Variants in SERPINB7 observed in about 807,000 individuals in gnomAD.
The protein encoded by SERPINB7 is serpin family B member 7.
SERPINB7 carries 31 observed loss-of-function variants against 37.4 expected under a neutral mutation model. That is an observed-to-expected ratio of 0.83 (90% CI 0.62 to 1.12). The LOEUF (loss-of-function observed/expected upper bound fraction) is 1.12. SERPINB7 is among the 50% of genes most tolerant of loss of function. SERPINB7 has a pLI of 0.00. For missense variants in SERPINB7, 521 were observed against 455.3 expected (o/e 1.14, Z -1.31); for synonymous variants, 163 against 166.1 (o/e 0.98, Z 0.14).
At chr18:63,783,028 C>A (rs1025059508) in intron 2 of SERPINB7, among the ~76,000 whole-genome samples, 22 of 151,664 alleles carry the variant, frequency 1.5e-4, no homozygotes, top group Non-Finnish European at 3.1e-4. Flanking sequence ...GTCCCAGCTA[C>A]TCGGGAGGCT....
chr18:63,798,823 G>A, intron 6 of SERPINB7, 77 bp downstream of exon 6: 1 of 1,440,600 alleles, frequency 6.9e-7, no homozygotes, highest in South Asian at 1.2e-5. Context: ...TAGTTACATA[G>A]TAAACTCTAG....
chr18:63,769,807 A>G (rs924312765), intron 1 of SERPINB7, among the ~76,000 whole-genome samples: 1 of 151,892 alleles, frequency 6.6e-6, no homozygotes, highest in Admixed American at 6.6e-5. Context: ...TGAACTCAGG[A>G]CTTCATATAC....
intron 4 of SERPINB7, among the ~76,000 whole-genome samples, chr18:63,795,331 C>T (rs893831675): frequency 3.0e-4 from 46 of 152,108 alleles, no homozygotes; most frequent in Middle Eastern, 3.4e-3. Context: ...GAGGCTGAGG[C>T]GGGAGGATCA....
chr18:63,764,057 T>A (rs2049168008), intron 1 of SERPINB7, among the ~76,000 whole-genome samples: 1 of 152,220 alleles, frequency 6.6e-6, no homozygotes, highest in South Asian at 2.1e-4. Flanking sequence ...TTCTATGGTA[T>A]GAGCTAAATT....
intron 1 of SERPINB7, among the ~76,000 whole-genome samples, chr18:63,754,616 C>A (rs1392231224): frequency 6.6e-6 from 1 of 152,166 alleles, no homozygotes; most frequent in Non-Finnish European, 1.5e-5. Context: ...ACGCAGGTAT[C>A]AGTCCCTCCC....
upstream of SERPINB7, among the ~76,000 whole-genome samples, chr18:63,773,252 T>C (rs1294943360): frequency 6.6e-6 from 1 of 152,122 alleles, no homozygotes; most frequent in Non-Finnish European, 1.5e-5. Context: ...ACAGAGTTTA[T>C]ATAAAAATTT....
intron 1 of SERPINB7, among the ~76,000 whole-genome samples, chr18:63,758,618 AAG>A (rs1193873585): frequency 6.6e-6 from 1 of 152,180 alleles, no homozygotes; most frequent in Non-Finnish European, 1.5e-5. Context: ...TTTTTATAAT[AAG>A]AAAAGAATTC....
chr18:63,782,241 C>T (rs1198106576), intron 1 of SERPINB7, 114 bp from the exon 2 acceptor site: 2 of 658,622 alleles, frequency 3.0e-6, no homozygotes, highest in African/African-American at 1.9e-5. Flanking sequence ...TGATGATTAC[C>T]TCCAAGGCTG....
At position 63,793,293 on chromosome 18, in the gene SERPINB7, T is replaced by A; in HGVS notation, c.336+16T>A. ...CTTTCATAAGGTAAGTGAAACTGCC[T>A]TTGTTAGAAGGACCTGAATCTTGTT... On this transcript the variant is annotated intron_variant, in intron 4 of 7. Coordinates refer to ENST00000398019, the MANE Select transcript of SERPINB7 (RefSeq NM_003784.4). The A allele has an allele frequency of 2.2e-6, 3 of 1,353,272 alleles. No individual in the cohort carries two copies. In the South Asian group the frequency reaches 3.7e-5, roughly 17 times the overall value. The allele number at this position is 1,353,272 out of a possible 1,614,324, so 83.8% of individuals were successfully genotyped here.
chr18:63,755,745 A>G lies in SERPINB7; in HGVS notation c.-19+2625A>G, dbSNP rs75338245. Among the ~76,000 whole-genome samples the G allele has an allele frequency of 2.7e-3, 415 of 152,090 alleles. 3 individuals carry two copies. The highest frequency in any genetic ancestry group is 9.1e-3 in the African/African-American group (379 of 41,478). Reference sequence around the variant, plus strand: ...CTGTCTCTACAAAAAATTAAAAAAAATAGCTAGATATGGTGGTGTATACTT... The same window carrying G: ...CTGTCTCTACAAAAAATTAAAAAAAGTAGCTAGATATGGTGGTGTATACTT... On this transcript the variant is annotated intron_variant, in intron 1 of 7. Coordinates refer to the SERPINB7 transcript ENST00000336429.
intron 6 of SERPINB7, 99 bp from the exon 7 acceptor site, chr18:63,800,767 C>A (rs2049538551): frequency 2.9e-6 from 4 of 1,392,060 alleles, no homozygotes; most frequent in East Asian, 2.4e-5. Flanking sequence ...GTCAACTGAG[C>A]AAAAATTTAT....
chr18:63,768,192 G>T (rs1012404174), intron 1 of SERPINB7, among the ~76,000 whole-genome samples: 5 of 151,692 alleles, frequency 3.3e-5, no homozygotes, highest in African/African-American at 9.7e-5. Context: ...GTTTCTGTTT[G>T]TTTTTGGTTT....
intron 4 of SERPINB7, among the ~76,000 whole-genome samples, chr18:63,794,764 G>A (rs2049469794): frequency 6.6e-6 from 1 of 152,152 alleles, no homozygotes; most frequent in Non-Finnish European, 1.5e-5. Flanking sequence ...ATGAATGGAT[G>A]TGTGGATGGA....
upstream of SERPINB7, among the ~76,000 whole-genome samples, chr18:63,771,649 T>A (rs1212053492): frequency 6.6e-6 from 1 of 152,086 alleles, no homozygotes; most frequent in African/African-American, 2.4e-5. Context: ...GGTTGGAAAT[T>A]TATTACTCCA....
In SERPINB7 at chr18:63,793,832, T is replaced by C. The variant is rs147625331; in HGVS notation, c.336+555T>C. On this transcript the variant is annotated intron_variant, in intron 4 of 7. Coordinates refer to ENST00000398019, the MANE Select transcript of SERPINB7 (RefSeq NM_003784.4). The stretch of plus-strand genomic sequence containing the variant: ...TATTTTTTATGTCACTTAAGTTTTA[T>C]GTATTTTTTTTAAGGACATAGACAA... 7.2e-5 allele frequency among the ~76,000 whole-genome samples: 11 copies of C among 152,248 alleles called. 1 individual carries two copies. In the East Asian group the frequency reaches 1.7e-3, roughly 24 times the overall value.
intron 1 of SERPINB7, among the ~76,000 whole-genome samples, chr18:63,776,542 G>A (rs2049250070): frequency 6.6e-6 from 1 of 151,362 alleles, no homozygotes; most frequent in African/African-American, 2.4e-5. Context: ...GAGAAGATGA[G>A]GGTAGAGTTT....
At chr18:63,798,788 A>G (rs371267663) in intron 6 of SERPINB7, 42 bp downstream of exon 6, 10 of 1,591,220 alleles carry the variant, frequency 6.3e-6, no homozygotes, top group Middle Eastern at 3.3e-4. Flanking sequence ...CTTTTCCACA[A>G]TCGTATTCCT....
At position 63,793,899 on chromosome 18, in the gene SERPINB7, T is replaced by G. The variant is rs189555436; in HGVS notation, c.336+622T>G. 2.0e-5 allele frequency among the ~76,000 whole-genome samples: 3 copies of G among 152,112 alleles called. No individual in the cohort carries two copies. The East Asian group carries it at 5.8e-4, about 29-fold the overall frequency. ...AACATGACATACTAGTTGGACTTTT[T>G]AAAAAAGTATAAATGCTTAGTGGCT... On this transcript the variant is annotated intron_variant, in intron 4 of 7. Transcript: ENST00000398019.
chr18:63,762,248 G>A (rs949505277), intron 1 of SERPINB7, among the ~76,000 whole-genome samples: 2 of 152,160 alleles, frequency 1.3e-5, no homozygotes, highest in Non-Finnish European at 2.9e-5. Flanking sequence ...ACTGGAGGGG[G>A]AAAAGGCCAC....
Sources: allele counts gnomAD v4.1 joint callset (sites outside exome capture counted in the v4.1 genomes callset), GRCh38; gene constraint gnomAD v4.1.1; transcripts MANE v1.5; gene names NCBI Gene and HGNC (gene_info 2026-07-23, HGNC 2026-07-21).